The following SARNP variants were observed in gnomAD, a reference collection of about 807,000 sequenced individuals.
SARNP encodes SAP domain-containing ribonucleoprotein.
SARNP carries 5 observed loss-of-function variants against 38.1 expected under a neutral mutation model. The ratio of observed to expected loss-of-function variants is 0.13; its 90% confidence interval spans 0.07 to 0.28. The LOEUF (loss-of-function observed/expected upper bound fraction) is 0.28. Ranked by LOEUF, SARNP falls within the 10% of genes least tolerant of loss-of-function variation. SARNP has a pLI of 1.00. For missense variants in SARNP, 180 were observed against 243.9 expected (o/e 0.74, Z 1.75); for synonymous variants, 84 against 80.6 (o/e 1.04, Z -0.23).
At chr12:55,809,454 T>C (rs1031417886) in intron 1 of SARNP, among the ~76,000 whole-genome samples, 11 of 123,702 alleles carry the variant, frequency 8.9e-5, no homozygotes, top group Non-Finnish European at 1.6e-4. Flanking sequence ...AAGAAGAAAA[T>C]AAACAAAAAA....
rs908071646 is a variant in SARNP, at chr12:55,757,290, T to A, written c.*222A>T. ...CATTGTTCTCTTTTCTATTTTTTTT[T>A]ATTAACAAGCAACATAATCAAAAAC... On this transcript the variant is annotated 3_prime_UTR_variant, in exon 11 of 11. Coordinates refer to ENST00000336133, the MANE Select transcript of SARNP (RefSeq NM_033082.4). The A allele has an allele frequency of 1.0e-5, 4 of 396,520 alleles. No individual in the cohort carries two copies. Among genetic ancestry groups the A allele is most frequent in the Middle Eastern group, 5.7e-4 (1 of 1,768 alleles). 24.6% of individuals were successfully genotyped at this position (396,520 alleles called of 1,614,324 possible). A position where few individuals can be genotyped will look rare whatever the true frequency, so the allele number is the denominator to read the frequency against.
chr12:55,789,258 C>T lies in SARNP; in HGVS notation c.433-115G>A, dbSNP rs1054070975. 7 of 657,072 alleles carry T rather than the reference C, an allele frequency of 1.1e-5. No homozygotes were observed. The African/African-American group carries it at 1.1e-4, about 10-fold the overall frequency. 40.7% of individuals were successfully genotyped at this position (657,072 alleles called of 1,614,324 possible). A position where few individuals can be genotyped will look rare whatever the true frequency, so the allele number is the denominator to read the frequency against. ...AAATAAGCCTATAACATCAAAGACA[C>T]CCTATGAGCAAAATAAGAAAACTAA... On this transcript the variant is annotated intron_variant, in intron 8 of 10. Coordinates refer to ENST00000336133, the MANE Select transcript of SARNP (RefSeq NM_033082.4).
chr12:55,785,131 A>T (rs953369680), intron 9 of SARNP, among the ~76,000 whole-genome samples: 3 of 152,214 alleles, frequency 2.0e-5, no homozygotes, highest in African/African-American at 7.2e-5. Context: ...AATCAAAAAA[A>T]TTTTTAAACT....
rs527834281 is a variant in SARNP, at chr12:55,810,437, T to G, written c.37-6709A>C. On this transcript the variant is annotated intron_variant, in intron 1 of 10. Transcript: ENST00000336133. ...CAGCTTGCCCTGTGATTTCTTCTAG[T>G]TAACTGACCTTGAATTTTTTTTTTT... Among the ~76,000 whole-genome samples the G allele has an allele frequency of 2.6e-5, 4 of 151,726 alleles. No individual in the cohort carries two copies. In the South Asian group the frequency reaches 8.3e-4, roughly 32 times the overall value.
chr12:55,784,201 A>T (rs1036809189), intron 9 of SARNP, among the ~76,000 whole-genome samples: 2 of 152,222 alleles, frequency 1.3e-5, no homozygotes, highest in Admixed American at 1.3e-4. Flanking sequence ...AACTGAATAA[A>T]ATCTGTGCCT....
At chr12:55,775,929 T>C (rs531330304) in intron 9 of SARNP, among the ~76,000 whole-genome samples, 5 of 152,322 alleles carry the variant, frequency 3.3e-5, no homozygotes, top group East Asian at 1.9e-4. Context: ...CATTCTGCCA[T>C]TGCTCTCACA....
At chr12:55,765,980 A>G (rs1272506050) in intron 9 of SARNP, among the ~76,000 whole-genome samples, 2 of 152,132 alleles carry the variant, frequency 1.3e-5, no homozygotes, top group Non-Finnish European at 2.9e-5. Context: ...CCTTGCTGAC[A>G]GGTTTTGATT....
At chr12:55,800,715 C>G in intron 3 of SARNP, 86 bp from the exon 4 acceptor site, 6 of 1,323,486 alleles carry the variant, frequency 4.5e-6, no homozygotes, top group Non-Finnish European at 6.5e-6. Context: ...CCAAAATAAA[C>G]CAGTCTCTCA....
intron 1 of SARNP, among the ~76,000 whole-genome samples, chr12:55,805,574 C>T (rs576784447): frequency 1.3e-5 from 2 of 152,200 alleles, no homozygotes; most frequent in East Asian, 1.9e-4. Flanking sequence ...AGACCAGGTG[C>T]GGTGGCTCAC....
intron 10 of SARNP, among the ~76,000 whole-genome samples, chr12:55,758,905 CTTT>C (rs1161845803): frequency 4.4e-5 from 6 of 136,628 alleles, no homozygotes; most frequent in Admixed American, 1.5e-4. Flanking sequence ...GCCTAATATA[CTTT>C]TTTTTTTTTT....
At chr12:55,806,845 A>T (rs907908003) in intron 1 of SARNP, among the ~76,000 whole-genome samples, 1 of 152,240 alleles carries the variant, frequency 6.6e-6, no homozygotes, top group African/African-American at 2.4e-5. Context: ...GCCTTAAATC[A>T]AGAATTTTAT....
At chr12:55,776,507 G>A (rs939341458) in intron 9 of SARNP, among the ~76,000 whole-genome samples, 1 of 152,148 alleles carries the variant, frequency 6.6e-6, no homozygotes, top group African/African-American at 2.4e-5. Flanking sequence ...CATCTCTAGA[G>A]TACTTATGTA....
intron 4 of SARNP, among the ~76,000 whole-genome samples, chr12:55,797,666 C>T (rs868288208): frequency 3.3e-5 from 5 of 152,194 alleles, no homozygotes; most frequent in African/African-American, 7.2e-5. Context: ...GAACCCCAGA[C>T]GGGAAGTTTC....
chr12:55,756,510 T>C (rs1878508837), downstream of SARNP: 1 of 152,158 alleles, frequency 6.6e-6, no homozygotes, highest in African/African-American at 2.4e-5. Flanking sequence ...CACAGCAACA[T>C]GGGACCTGAT....
chr12:55,784,385 C>G (rs565607113), intron 9 of SARNP, among the ~76,000 whole-genome samples: 5 of 152,194 alleles, frequency 3.3e-5, no homozygotes, highest in Admixed American at 3.3e-4. Context: ...GCAACTCATT[C>G]TAGTGATAAA....
At position 55,817,647 on chromosome 12, in the gene SARNP, C is replaced by A. The variant is rs775325337; in HGVS notation, c.36+19G>T. The A allele has an allele frequency of 7.5e-6, 12 of 1,610,604 alleles. No individual in the cohort carries two copies. In the South Asian group the frequency reaches 1.2e-4, roughly 16 times the overall value. ...GTTCCTAGAAAAGTCCAACTCAGCC[C>A]TTCCCCGATTCACGGTACCTTTAGC... On this transcript the variant is annotated intron_variant, in intron 1 of 10. Transcript: ENST00000336133.
At chr12:55,800,021 C>T (rs1167808584) in intron 4 of SARNP, among the ~76,000 whole-genome samples, 2 of 151,876 alleles carry the variant, frequency 1.3e-5, no homozygotes, top group African/African-American at 2.4e-5. Context: ...AAAACCCTGT[C>T]TCTACTAAAA....
intron 9 of SARNP, among the ~76,000 whole-genome samples, chr12:55,774,539 G>A (rs543181748): frequency 8.1e-5 from 11 of 135,322 alleles, no homozygotes; most frequent in African/African-American, 1.5e-4. Flanking sequence ...TAGCCGACAC[G>A]GTGAAACCCC....
chr12:55,810,051 A>C (rs1880279614), intron 1 of SARNP, among the ~76,000 whole-genome samples: 1 of 152,220 alleles, frequency 6.6e-6, no homozygotes, highest in African/African-American at 2.4e-5. Context: ...ACCCACAGAG[A>C]AAAGACATAT....
Sources: gnomAD v4.1 joint callset for allele counts (sites outside exome capture counted in the v4.1 genomes callset) on GRCh38, gnomAD v4.1.1 for gene constraint, MANE v1.5 for transcripts, NCBI Gene and HGNC (gene_info 2026-07-23, HGNC 2026-07-21) for gene names.